Variants in BCAT1 observed in about 807,000 individuals in gnomAD.
BCAT1 encodes branched-chain-amino-acid aminotransferase, cytosolic.
Under a neutral mutation model 52.4 loss-of-function variants are expected in BCAT1, and 48 were observed. That is an observed-to-expected ratio of 0.92 (90% confidence interval 0.73 to 1.16). BCAT1 has a LOEUF of 1.16. BCAT1 is among the 50% of genes most tolerant of loss of function. The pLI is 0.00. For synonymous variants in BCAT1, 167 were observed against 161.3 expected (o/e 1.04, Z -0.27); for missense variants, 451 against 457.1 (o/e 0.99, Z 0.12).
At chr12:24,824,985 A>C (rs1475580520) in intron 10 of BCAT1, among the ~76,000 whole-genome samples, 1 of 152,060 alleles carries the variant, frequency 6.6e-6, no homozygotes, top group Non-Finnish European at 1.5e-5. Flanking sequence ...TAGCACCTGC[A>C]TGAGAACATG....
In BCAT1 at chr12:24,817,945, C is replaced by T; in HGVS notation, c.*63G>A. ...GAAATCTATCACAATTCAAATGCAACAGTCTGTCCCAGTAGCATACAGTTG... is the reference window on the plus strand; with the variant it reads ...GAAATCTATCACAATTCAAATGCAATAGTCTGTCCCAGTAGCATACAGTTG... On this transcript the variant is annotated 3_prime_UTR_variant, in exon 11 of 11. Transcript: ENST00000261192. The T allele has an allele frequency of 3.9e-6, 6 of 1,534,546 alleles. No homozygotes were observed. The highest frequency in any genetic ancestry group is 5.4e-6 in the Non-Finnish European group (6 of 1,110,286).
chr12:24,836,053 T>C (rs1338958226), intron 8 of BCAT1, among the ~76,000 whole-genome samples: 1 of 152,206 alleles, frequency 6.6e-6, no homozygotes, highest in African/African-American at 2.4e-5. Context: ...AAACCAATAA[T>C]GTTATATTAG....
intron 1 of BCAT1, among the ~76,000 whole-genome samples, chr12:24,928,708 T>C (rs1235346088): frequency 8.3e-5 from 2 of 24,096 alleles, no homozygotes; most frequent in East Asian, 1.3e-3. Flanking sequence ...GAAATGTTTG[T>C]TGTTGTTGTT....
intron 4 of BCAT1, among the ~76,000 whole-genome samples, chr12:24,880,583 AT>A (rs1481778847): frequency 1.3e-5 from 2 of 152,258 alleles, no homozygotes; most frequent in African/African-American, 4.8e-5. Flanking sequence ...TTAAGATAAA[AT>A]ATCAAAATAA....
intron 7 of BCAT1, among the ~76,000 whole-genome samples, chr12:24,840,924 G>A (rs1426572389): frequency 1.3e-5 from 2 of 152,168 alleles, no homozygotes; most frequent in African/African-American, 2.4e-5. Flanking sequence ...ATGTAAACAA[G>A]TCTAAAAATA....
chr12:24,873,911 A>C (rs1942252867), intron 5 of BCAT1, among the ~76,000 whole-genome samples: 1 of 152,234 alleles, frequency 6.6e-6, no homozygotes, highest in Non-Finnish European at 1.5e-5. Context: ...ACACACTTCC[A>C]TTTATTATCA....
At position 24,816,187 on chromosome 12, in the gene BCAT1, C is replaced by T. The variant is rs1459418698; in HGVS notation, c.*1821G>A. On this transcript the variant is annotated 3_prime_UTR_variant, in exon 11 of 11. Coordinates refer to ENST00000261192, the MANE Select transcript of BCAT1 (RefSeq NM_005504.7). The stretch of plus-strand genomic sequence containing the variant: ...TCCCTGTCTATAAAAGACCCTATGG[C>T]TAAAAGTTTTGGAAAAGAATCAAAG... The T allele has an allele frequency of 8.0e-6, 2 of 249,972 alleles. No homozygotes were observed. The highest frequency in any genetic ancestry group is 2.2e-5 in the African/African-American group (1 of 45,236). 15.5% of individuals were successfully genotyped at this position (249,972 alleles called of 1,614,324 possible).
chr12:24,902,557 T>A, intron 1 of BCAT1: 1 of 502,258 alleles, frequency 2.0e-6, no homozygotes, highest in Non-Finnish European at 2.8e-6. Context: ...AAGGCTGCGG[T>A]CAAAATATTT....
chr12:24,939,674 T>C (rs1191451391), intron 1 of BCAT1, among the ~76,000 whole-genome samples: 1 of 152,042 alleles, frequency 6.6e-6, no homozygotes, highest in African/African-American at 2.4e-5. Flanking sequence ...CCGTCACTAC[T>C]AAAAATACAA....
At chr12:24,841,092 G>A (rs2139429495) in intron 7 of BCAT1, among the ~76,000 whole-genome samples, 1 of 152,148 alleles carries the variant, frequency 6.6e-6, no homozygotes, top group South Asian at 2.1e-4. Context: ...GCAAAGAAAA[G>A]TAATGAGTAC....
chr12:24,846,380 G>A (rs1941345653), intron 6 of BCAT1, among the ~76,000 whole-genome samples: 1 of 152,148 alleles, frequency 6.6e-6, no homozygotes, highest in African/African-American at 2.4e-5. Flanking sequence ...ATATAGTTGG[G>A]TTCCCGCCCA....
At chr12:24,859,823 C>A (rs1166667560) in intron 5 of BCAT1, among the ~76,000 whole-genome samples, 1 of 151,998 alleles carries the variant, frequency 6.6e-6, no homozygotes, top group African/African-American at 2.4e-5. Context: ...ATGAGGTCCC[C>A]TTAAGTCCAA....
chr12:24,938,883 T>TTTAC (rs994208378), intron 1 of BCAT1, among the ~76,000 whole-genome samples: 7 of 151,972 alleles, frequency 4.6e-5, no homozygotes, highest in South Asian at 2.1e-4. Context: ...TATTTATTTA[T>TTTAC]TTATTCATTG....
rs989477111 is a variant in BCAT1, at chr12:24,810,365, T to C, written c.*7643A>G. On this transcript the variant is annotated 3_prime_UTR_variant, in exon 11 of 11. Coordinates refer to ENST00000261192, the MANE Select transcript of BCAT1 (RefSeq NM_005504.7). ...AGATTCATGATTTGAAAAATATGCTTAAATCACACTGAATCAGCTTAGCAG... is the reference window on the plus strand; with the variant it reads ...AGATTCATGATTTGAAAAATATGCTCAAATCACACTGAATCAGCTTAGCAG... 6.6e-6 allele frequency: 1 copy of C among 152,216 alleles called. No individual in the cohort carries two copies. The highest frequency in any genetic ancestry group is 2.4e-5 in the African/African-American group (1 of 41,452). The allele number at this position is 152,216 out of a possible 1,614,324, so 9.4% of individuals were successfully genotyped here. A position where few individuals can be genotyped will look rare whatever the true frequency, so the allele number is the denominator to read the frequency against.
intron 5 of BCAT1, among the ~76,000 whole-genome samples, chr12:24,876,797 T>G (rs561050804): frequency 1.2e-4 from 19 of 152,290 alleles, no homozygotes; most frequent in African/African-American, 4.6e-4. Flanking sequence ...TACTAGGGTC[T>G]GTCGGAAGGG....
intron 1 of BCAT1, among the ~76,000 whole-genome samples, chr12:24,943,631 T>G (rs148455511): frequency 2.6e-5 from 4 of 152,188 alleles, no homozygotes; most frequent in African/African-American, 9.7e-5. Flanking sequence ...TATTATTTAT[T>G]TATTCTTAAG....
intron 1 of BCAT1, among the ~76,000 whole-genome samples, chr12:24,913,273 CA>C (rs577991810): frequency 2.6e-5 from 4 of 152,120 alleles, no homozygotes; most frequent in Non-Finnish European, 5.9e-5. Context: ...GTTAATGAGA[CA>C]AAATAGAATA....
rs1455146658 is a variant in BCAT1, at chr12:24,817,944, A to G, written c.*64T>C. The G allele has an allele frequency of 2.0e-6, 3 of 1,536,376 alleles. No homozygotes were observed. Among genetic ancestry groups the G allele is most frequent in the Non-Finnish European group, 2.7e-6 (3 of 1,111,938 alleles). On this transcript the variant is annotated 3_prime_UTR_variant, in exon 11 of 11. Coordinates refer to ENST00000261192, the MANE Select transcript of BCAT1 (RefSeq NM_005504.7). ...AGAAATCTATCACAATTCAAATGCA[A>G]CAGTCTGTCCCAGTAGCATACAGTT...
At chr12:24,887,080 A>AAAAAAAAAAAAAAAAT (rs1245203518) in intron 3 of BCAT1, among the ~76,000 whole-genome samples, 5 of 40,744 alleles carry the variant, frequency 1.2e-4, no homozygotes, top group Admixed American at 5.9e-4. Context: ...AAAAAAAAAA[A>AAAAAAAAAAAAAAAAT]ATATATATAT....
Sources: allele counts gnomAD v4.1 joint callset (sites outside exome capture counted in the v4.1 genomes callset), GRCh38; gene constraint gnomAD v4.1.1; transcripts MANE v1.5; gene names NCBI Gene and HGNC (gene_info 2026-07-23, HGNC 2026-07-21).